The following HAT1 variants were observed in gnomAD, a reference collection of about 807,000 sequenced individuals.
HAT1 encodes the protein histone acetyltransferase 1.
HAT1 carries 20 observed loss-of-function variants against 56.6 expected under a neutral mutation model. The observed-to-expected ratio is 0.35, with a 90% confidence interval of 0.25 to 0.51. HAT1 has a LOEUF of 0.51. HAT1 is among the 20% of genes least tolerant of loss of function. HAT1 has a pLI of 0.95. For missense variants in HAT1, 408 were observed against 504.3 expected (o/e 0.81, Z 1.83); for synonymous variants, 146 against 165.5 (o/e 0.88, Z 0.91).
intron 8 of HAT1, among the ~76,000 whole-genome samples, chr2:171,973,706 T>A (rs1687874883): frequency 6.6e-6 from 1 of 152,112 alleles, no homozygotes; most frequent in Admixed American, 6.6e-5. Flanking sequence ...AGGATGTAGG[T>A]CGAATCTAAC....
chr2:171,946,551 C>G (rs1263079145), intron 2 of HAT1, among the ~76,000 whole-genome samples, 157 bp from the exon 3 acceptor site: 1 of 152,164 alleles, frequency 6.6e-6, no homozygotes, highest in Non-Finnish European at 1.5e-5. Flanking sequence ...CTTGAGAATA[C>G]AGTGTAAATA....
intron 2 of HAT1, among the ~76,000 whole-genome samples, chr2:171,926,671 C>A (rs1378946197): frequency 1.3e-5 from 2 of 152,070 alleles, no homozygotes; most frequent in East Asian, 1.9e-4. Flanking sequence ...TTCAAGCAGT[C>A]CCCTGGCTTG....
intron 10 of HAT1, among the ~76,000 whole-genome samples, chr2:171,981,950 A>G (rs1483652797): frequency 1.3e-5 from 2 of 152,144 alleles, no homozygotes; most frequent in African/African-American, 2.4e-5. Flanking sequence ...GCAACATTTA[A>G]GAGTTATTAA....
chr2:171,947,766 C>T (rs1165636147), intron 3 of HAT1, among the ~76,000 whole-genome samples: 1 of 152,128 alleles, frequency 6.6e-6, no homozygotes, highest in Non-Finnish European at 1.5e-5. Context: ...GTAGTCCTGG[C>T]TACTCGGGAG....
chr2:171,965,119 GC>G, intron 4 of HAT1: 1 of 481,888 alleles, frequency 2.1e-6, no homozygotes, highest in East Asian at 3.5e-5. Flanking sequence ...CAGGTCACCT[GC>G]CTTCTCTTAT....
intron 8 of HAT1, 30 bp from the exon 9 acceptor site, chr2:171,976,127 T>C (rs764479987): frequency 2.4e-6 from 3 of 1,250,550 alleles, no homozygotes; most frequent in Non-Finnish European, 2.1e-6. Context: ...ATCAGGGAAA[T>C]GTTAATATTA....
At chr2:171,965,624 C>T in intron 5 of HAT1, 107 bp downstream of exon 5, 1 of 986,116 alleles carries the variant, frequency 1.0e-6, no homozygotes, top group Non-Finnish European at 1.5e-6. Flanking sequence ...AAGTTTTAAT[C>T]AGCATTATAA....
chr2:171,930,483 T>G (rs1383611701), intron 2 of HAT1, among the ~76,000 whole-genome samples: 1 of 152,254 alleles, frequency 6.6e-6, no homozygotes, highest in African/African-American at 2.4e-5. Context: ...TGATATACTT[T>G]AAACATTTTC....
chr2:171,969,266 A>G (rs904709207), intron 8 of HAT1, among the ~76,000 whole-genome samples: 3 of 152,230 alleles, frequency 2.0e-5, no homozygotes, highest in African/African-American at 4.8e-5. Flanking sequence ...TAGTACATTA[A>G]GAGCTAATTA....
At chr2:171,945,474 T>A (rs1041970235) in intron 2 of HAT1, among the ~76,000 whole-genome samples, 1 of 150,300 alleles carries the variant, frequency 6.7e-6, no homozygotes, top group Non-Finnish European at 1.5e-5. Flanking sequence ...TAGGGCACTT[T>A]AGCTAGCTAG....
intron 8 of HAT1, among the ~76,000 whole-genome samples, chr2:171,972,115 C>G (rs1687828873): frequency 6.6e-6 from 1 of 152,178 alleles, no homozygotes; most frequent in Non-Finnish European, 1.5e-5. Flanking sequence ...CCTCCCAGGC[C>G]CCCGACCAGA....
intron 8 of HAT1, among the ~76,000 whole-genome samples, chr2:171,970,121 T>C (rs897106076): frequency 2.0e-5 from 3 of 152,010 alleles, no homozygotes; most frequent in African/African-American, 4.8e-5. Context: ...GATTGCGCTA[T>C]TGCACTCCAG....
intron 2 of HAT1, among the ~76,000 whole-genome samples, chr2:171,937,783 T>G (rs920225439): frequency 3.3e-5 from 5 of 151,914 alleles, no homozygotes; most frequent in Non-Finnish European, 7.4e-5. Flanking sequence ...GGAAAAAGGG[T>G]GGCTGAGGGA....
At chr2:171,982,855 TTCTA>T (rs1558983523) in intron 10 of HAT1, among the ~76,000 whole-genome samples, 1 of 152,190 alleles carries the variant, frequency 6.6e-6, no homozygotes, top group African/African-American at 2.4e-5. Context: ...AGCTAATGTC[TTCTA>T]TCTATTAAGC....
chr2:171,966,892 C>A lies in HAT1; in HGVS notation c.766C>A (p.Leu256Ile). ...TCAAGGTCAAGGCCATGGTGCTCAA[C>A]TTCTTGAAACAGTTCATAGATACTA... ...PFQGQGHGAQ[L>I]LETVHRYYTE... Residue 256 changes from leucine to isoleucine, a missense_variant, in exon 8 of 11, where the codon CTT (leucine) becomes ATT (isoleucine). Coordinates refer to ENST00000264108, the MANE Select transcript of HAT1 (RefSeq NM_003642.4). 6.3e-7 allele frequency: 1 copy of A among 1,595,012 alleles called. No homozygotes were observed. Among genetic ancestry groups the A allele is most frequent in the East Asian group, 2.2e-5 (1 of 44,696 alleles).
rs111657470 is a variant in HAT1 at position 171,948,270 on chromosome 2, G to A, written c.188+1487G>A. Among the ~76,000 whole-genome samples, 59 of 152,258 alleles carry A rather than the reference G, an allele frequency of 3.9e-4. 3 individuals are homozygous for A. Among genetic ancestry groups the A allele is most frequent in the African/African-American group, 1.3e-3 (56 of 41,558 alleles). On this transcript the variant is annotated intron_variant, in intron 3 of 10. Transcript: ENST00000264108. ...TACAGAGTCTCGCGTTGTTGCCCAG[G>A]CTGGAATGCAGTGGTGCTATCTCAA... is the stretch of plus-strand genomic sequence containing the variant.
At chr2:171,971,701 T>A (rs969534422) in intron 8 of HAT1, among the ~76,000 whole-genome samples, 4 of 152,318 alleles carry the variant, frequency 2.6e-5, no homozygotes, top group South Asian at 2.1e-4. Context: ...GCTTTATATT[T>A]TTTATTTATT....
In HAT1 at chr2:171,979,248, A is replaced by G; in HGVS notation, c.977A>G (p.Gln326Arg). The G allele has an allele frequency of 6.9e-7, 1 of 1,441,360 alleles. No individual in the cohort carries two copies. The highest frequency in any genetic ancestry group is 9.6e-7 in the Non-Finnish European group (1 of 1,046,890). The allele number at this position is 1,441,360 out of a possible 1,614,324, so 89.3% of individuals were successfully genotyped here. A position where few individuals can be genotyped will look rare whatever the true frequency, so the allele number is the denominator to read the frequency against. Residue 326 changes from glutamine to arginine, a missense_variant and splice_region_variant, in exon 10 of 11, where the codon CAA becomes CGA. Coordinates refer to ENST00000264108, the MANE Select transcript of HAT1 (RefSeq NM_003642.4). ...EAQQKFKINK[Q>R]HARRVYEILR... Reference sequence around the variant, plus strand: ...GCATTTTCTTTTGTTTCATTCTAGCAACACGCTAGAAGGGTTTATGAAATT... The same window carrying G: ...GCATTTTCTTTTGTTTCATTCTAGCGACACGCTAGAAGGGTTTATGAAATT...
In HAT1 at chr2:171,947,893, A is replaced by G. The variant is rs1402097410; in HGVS notation, c.188+1110A>G. ...GACTGTCTCAAAAAAACAAAAACAA[A>G]ATAAAGATATGTCCCAGTATATTTA... On this transcript the variant is annotated intron_variant, in intron 3 of 10. Coordinates refer to ENST00000264108, the MANE Select transcript of HAT1 (RefSeq NM_003642.4). 7.2e-5 allele frequency among the ~76,000 whole-genome samples: 11 copies of G among 152,116 alleles called. 1 individual carries two copies.
Sources: gnomAD v4.1 joint callset for allele counts (sites outside exome capture counted in the v4.1 genomes callset) on GRCh38, gnomAD v4.1.1 for gene constraint, MANE v1.5 for transcripts, NCBI Gene and HGNC (gene_info 2026-07-23, HGNC 2026-07-21) for gene names.